Variants in DPP6 observed in about 807,000 individuals in gnomAD.
The protein encoded by DPP6 is A-type potassium channel modulatory protein DPP6.
In DPP6, 69 loss-of-function variants were observed where a neutral mutation model predicts 122.6. That is an observed-to-expected ratio of 0.56 (90% CI 0.46 to 0.69). The LOEUF is 0.69. Among genes scored for constraint, DPP6 ranks in the 30% least tolerant of loss-of-function variants. DPP6 has a pLI of 0.00. For missense variants in DPP6, 928 were observed against 1,116.9 expected, an observed-to-expected ratio of 0.83 and a Z score of 2.41; for synonymous variants, 418 against 433.1, an observed-to-expected ratio of 0.97 and a Z score of 0.43.
At position 153,971,612 on chromosome 7, in the gene DPP6, G is replaced by A. The variant is rs1412495643; in HGVS notation, c.51+83878G>A. On this transcript the variant is annotated intron_variant, in intron 1 of 25. Transcript: ENST00000404039. ...CTTTTGGCAGGTTATGAGAGTTCCT[G>A]GGTTATGGAAAATGCCATAAATTTC... Among the ~76,000 whole-genome samples the A allele has an allele frequency of 1.3e-4, 17 of 133,210 alleles. 1 individual carries two copies. In the Admixed American group the frequency reaches 1.3e-3, roughly 10 times the overall value. The allele number at this position is 133,210 out of a possible 152,430, so 87.4% of individuals were successfully genotyped here.
chr7:154,868,116 CTAAAAG>C, intron 18 of DPP6, 23 bp downstream of exon 18: 1 of 1,576,290 alleles, frequency 6.3e-7, no homozygotes, highest in Non-Finnish European at 8.6e-7. Flanking sequence ...TTTTTCCCCT[CTAAAAG>C]AAAAAGAAAA....
chr7:154,622,400 G>A (rs1030317221), intron 5 of DPP6, among the ~76,000 whole-genome samples: 2 of 152,196 alleles, frequency 1.3e-5, no homozygotes, highest in African/African-American at 4.8e-5. Context: ...CTGTTTACCT[G>A]TAGCCTCTGC....
intron 1 of DPP6, among the ~76,000 whole-genome samples, chr7:154,356,858 G>A (rs1029721113): frequency 6.6e-6 from 1 of 151,854 alleles, no homozygotes; most frequent in African/African-American, 2.4e-5. Flanking sequence ...CAAATAGAAA[G>A]AATTAAAAAA....
intron 1 of DPP6, among the ~76,000 whole-genome samples, chr7:153,957,825 G>A (rs1038209281): frequency 6.6e-6 from 1 of 152,158 alleles, no homozygotes; most frequent in South Asian, 2.1e-4. Context: ...GCTAATAATT[G>A]TGGAGAGGAC....
chr7:153,809,257 A>T, the DPP6 span, among the ~76,000 whole-genome samples: 1 of 151,926 alleles, frequency 6.6e-6, no homozygotes, highest in African/African-American at 2.4e-5. Flanking sequence ...TTGATTCTTT[A>T]CTATTGAGTT....
At chr7:154,362,254 C>T (rs76838982) in intron 1 of DPP6, among the ~76,000 whole-genome samples, 5,899 of 152,296 alleles carry the variant, frequency 0.039, 388 homozygotes, top group African/African-American at 0.13. Flanking sequence ...TCTGTGGCTT[C>T]GCTCAGGAAA....
intron 10 of DPP6, among the ~76,000 whole-genome samples, chr7:154,791,177 G>T (rs1423259537): frequency 6.6e-6 from 1 of 152,094 alleles, no homozygotes; most frequent in Non-Finnish European, 1.5e-5. Context: ...GCTTGAACCT[G>T]GGAGGTACAG....
chr7:154,543,993 C>CAA (rs35853479), intron 4 of DPP6, among the ~76,000 whole-genome samples: 12,247 of 68,482 alleles, frequency 0.18, 1,381 homozygotes, highest in Non-Finnish European at 0.22. Context: ...GACTCCATCT[C>CAA]AAAAAAAAAA....
intron 9 of DPP6, among the ~76,000 whole-genome samples, chr7:154,771,865 G>C (rs917252584): frequency 6.6e-6 from 1 of 152,206 alleles, no homozygotes; most frequent in Non-Finnish European, 1.5e-5. Flanking sequence ...ATAGAGAAAA[G>C]TGTATGGGAC....
intron 1 of DPP6, among the ~76,000 whole-genome samples, chr7:154,131,320 A>T (rs1355189361): frequency 6.6e-6 from 1 of 152,232 alleles, no homozygotes; most frequent in Non-Finnish European, 1.5e-5. Flanking sequence ...TCTTTCCAGG[A>T]ACGTCAGTTG....
chr7:154,649,716 G>A (rs554855246), intron 6 of DPP6, among the ~76,000 whole-genome samples: 16 of 152,298 alleles, frequency 1.1e-4, no homozygotes, highest in African/African-American at 1.7e-4. Context: ...GATGGTGTCC[G>A]GCCTGCAGGA....
chr7:154,517,860 C>T (rs1326884732), intron 3 of DPP6, among the ~76,000 whole-genome samples: 1 of 152,126 alleles, frequency 6.6e-6, no homozygotes, highest in Non-Finnish European at 1.5e-5. Flanking sequence ...ACAGATATCG[C>T]ACTGCAAGTT....
intron 1 of DPP6, among the ~76,000 whole-genome samples, chr7:154,378,343 A>G (rs1453632904): frequency 6.6e-6 from 1 of 152,272 alleles, no homozygotes; most frequent in Non-Finnish European, 1.5e-5. Context: ...AAAATTAGAT[A>G]TAAACTACCA....
rs143624764 is a variant in DPP6 at position 154,815,730 on chromosome 7, C to T, written c.1666+8618C>T. On this transcript the variant is annotated intron_variant, in intron 16 of 25. Transcript: ENST00000377770. ...AGTCACTTGCTGCTCTGAGTGGGAACGGGACAGTCTGTGTTCATGAATCCC... is the reference window on the plus strand; with the variant it reads ...AGTCACTTGCTGCTCTGAGTGGGAATGGGACAGTCTGTGTTCATGAATCCC... Among the ~76,000 whole-genome samples the T allele has an allele frequency of 5.0e-4, 76 of 152,286 alleles. No individual in the cohort carries two copies. In the East Asian group the frequency reaches 9.3e-3, roughly 19 times the overall value.
At chr7:154,738,035 T>C (rs1842648751) in intron 8 of DPP6, among the ~76,000 whole-genome samples, 1 of 152,226 alleles carries the variant, frequency 6.6e-6, no homozygotes, top group Non-Finnish European at 1.5e-5. Context: ...AACAGGTTCA[T>C]TGTATATTAG....
At chr7:153,904,705 T>A (rs1799777928) in intron 1 of DPP6, among the ~76,000 whole-genome samples, 1 of 152,216 alleles carries the variant, frequency 6.6e-6, no homozygotes, top group Non-Finnish European at 1.5e-5. Context: ...TCTTGGGGCT[T>A]CCATTCTAGT....
chr7:154,645,532 G>A (rs1836408255), intron 6 of DPP6, among the ~76,000 whole-genome samples: 1 of 151,988 alleles, frequency 6.6e-6, no homozygotes, highest in South Asian at 2.1e-4. Context: ...CAAAAAATGT[G>A]GACTTTAGAG....
intron 1 of DPP6, among the ~76,000 whole-genome samples, chr7:153,938,878 G>T (rs1208030121): frequency 1.3e-5 from 2 of 152,184 alleles, no homozygotes; most frequent in Admixed American, 6.5e-5. Flanking sequence ...CAGTGTGGTG[G>T]TGGTTACACA....
chr7:154,141,620 G>A (rs1030671325), intron 1 of DPP6, among the ~76,000 whole-genome samples: 1 of 152,196 alleles, frequency 6.6e-6, no homozygotes, highest in African/African-American at 2.4e-5. Context: ...CCTTTCTTCT[G>A]CTTCTGTTAG....
Sources: gnomAD v4.1 joint callset for allele counts (sites outside exome capture counted in the v4.1 genomes callset) on GRCh38, gnomAD v4.1.1 for gene constraint, MANE v1.5 for transcripts, NCBI Gene and HGNC (gene_info 2026-07-23, HGNC 2026-07-21) for gene names.